Variants in PER3 observed in about 807,000 individuals in gnomAD.
PER3 encodes the protein period circadian protein homolog 3.
PER3 carries 107 observed loss-of-function variants against 127.2 expected under a neutral mutation model. The observed-to-expected ratio is 0.84, with a 90% CI of 0.72 to 0.99. PER3 has a LOEUF of 0.99. Ranked by LOEUF, PER3 falls within the 50% of genes least tolerant of loss-of-function variation. PER3 has a pLI of 0.00. For synonymous variants in PER3, 618 were observed against 585.8 expected, an observed-to-expected ratio of 1.05 and a Z score of -0.79; for missense variants, 1,560 against 1,525.8, an observed-to-expected ratio of 1.02 and a Z score of -0.37.
At chr1:7,806,034 T>C (rs1260119020) in intron 10 of PER3, among the ~76,000 whole-genome samples, 1 of 152,194 alleles carries the variant, frequency 6.6e-6, no homozygotes, top group African/African-American at 2.4e-5. Flanking sequence ...TGTAAGACAG[T>C]GTGCTGGGCC....
chr1:7,826,751 A>G lies in PER3; in HGVS notation c.2188+41A>G. The stretch of plus-strand genomic sequence containing the variant: ...AAAATAAATGCCATTAATCTATGTA[A>G]ATGTTACAAACTGTATCTAAGGACT... On this transcript the variant is annotated intron_variant, in intron 17 of 21. Coordinates refer to ENST00000377532, the MANE Select transcript of PER3 (RefSeq NM_001377275.1). This position sits in a 1 kb window ranked among gnomAD's most constrained non-coding sequence, Gnocchi z 4.2. The G allele has an allele frequency of 1.7e-6, 2 of 1,199,210 alleles. No individual in the cohort carries two copies. The highest frequency in any genetic ancestry group is 2.5e-6 in the Non-Finnish European group (2 of 811,326). 74.3% of individuals were successfully genotyped at this position (1,199,210 alleles called of 1,614,324 possible).
chr1:7,799,693 C>A (rs971267294), intron 7 of PER3, among the ~76,000 whole-genome samples: 2 of 151,250 alleles, frequency 1.3e-5, no homozygotes, highest in African/African-American at 2.4e-5. Flanking sequence ...AAATATGGCT[C>A]ATACCACAGG....
rs777333794 is a variant in PER3 at position 7,801,154 on chromosome 1, C to T, written c.835C>T (p.His279Tyr). ...PVNKRIFTTT[H>Y]TPGCVFLEVD... is the part of the protein sequence containing the mutation. Reference sequence around the variant, plus strand: ...GAATAAAAGAATCTTCACCACCACACACACCCCAGGGTGTGTTTTTCTTGA... The same window carrying T: ...GAATAAAAGAATCTTCACCACCACATACACCCCAGGGTGTGTTTTTCTTGA... Residue 279 changes from histidine to tyrosine, a missense_variant, in exon 8 of 22, where the codon CAC becomes TAC. Around this residue, in one of 3 missense-constraint regions of PER3, gnomAD observed 1,332 missense variants for 1,223.6 expected, o/e 1.09. Coordinates refer to ENST00000377532, the MANE Select transcript of PER3 (RefSeq NM_001377275.1). The T allele has an allele frequency of 2.5e-6, 4 of 1,608,734 alleles. No homozygotes were observed. Among genetic ancestry groups the T allele is most frequent in the East Asian group, 4.5e-5 (2 of 44,746 alleles).
At chr1:7,816,931 G>A (rs569944032) in intron 13 of PER3, among the ~76,000 whole-genome samples, 72 of 152,346 alleles carry the variant, frequency 4.7e-4, no homozygotes, top group African/African-American at 1.7e-3. Context: ...TTCAGCAGGA[G>A]AATGGATAAG....
intron 16 of PER3, among the ~76,000 whole-genome samples, chr1:7,825,421 A>C (rs1158077020): frequency 6.6e-6 from 1 of 152,228 alleles, no homozygotes; most frequent in African/African-American, 2.4e-5. Context: ...CTATGCATAT[A>C]AAATGGAACT....
At position 7,807,416 on chromosome 1, in the gene PER3, T is replaced by C. The variant is rs561021846; in HGVS notation, c.1137-1477T>C. On this transcript the variant is annotated intron_variant, in intron 10 of 21. Coordinates refer to ENST00000377532, the MANE Select transcript of PER3 (RefSeq NM_001377275.1). Reference sequence around the variant, plus strand: ...ATATTCCTGACTGCTTTTACGATACTGTCAGCATCCTATGATTGTCTTGAT... The same window carrying C: ...ATATTCCTGACTGCTTTTACGATACCGTCAGCATCCTATGATTGTCTTGAT... 1.1e-4 allele frequency among the ~76,000 whole-genome samples: 16 copies of C among 152,240 alleles called. 1 individual carries two copies. The highest frequency in any genetic ancestry group is 1.6e-4 in the Non-Finnish European group (11 of 68,042).
At chr1:7,801,081 C>CTTTAA in intron 7 of PER3, 32 bp from the exon 8 acceptor site, 1 of 1,333,632 alleles carries the variant, frequency 7.5e-7, no homozygotes, top group Middle Eastern at 1.9e-4. Context: ...AGATATTTGC[C>CTTTAA]TTTAAATGGG....
intron 19 of PER3, among the ~76,000 whole-genome samples, chr1:7,830,850 A>G (rs1411869769): frequency 6.6e-6 from 1 of 152,222 alleles, no homozygotes; most frequent in African/African-American, 2.4e-5. Flanking sequence ...GCTTTAGGCC[A>G]ATACCACACT....
intron 5 of PER3, among the ~76,000 whole-genome samples, chr1:7,789,182 C>T (rs1186345324): frequency 6.7e-6 from 1 of 148,354 alleles, no homozygotes; most frequent in Non-Finnish European, 1.5e-5. Context: ...GATTCCAAGC[C>T]CTTCTCTCTA....
chr1:7,795,008 T>C (rs528807749), intron 6 of PER3, among the ~76,000 whole-genome samples: 1 of 152,232 alleles, frequency 6.6e-6, no homozygotes, highest in East Asian at 1.9e-4. Flanking sequence ...TCAAGATGTT[T>C]AGAGAGAAGA....
chr1:7,794,143 G>C, intron 6 of PER3, 135 bp downstream of exon 6: 1 of 749,982 alleles, frequency 1.3e-6, no homozygotes, highest in Non-Finnish European at 2.4e-6. Flanking sequence ...ATTGCCACAA[G>C]GAGTTCGTAT....
rs762567598 is a variant in PER3 at position 7,819,278 on chromosome 1, G to A, written c.1523-7G>A. 1.1e-5 allele frequency: 17 copies of A among 1,611,992 alleles called. No individual in the cohort carries two copies. In the East Asian group the frequency reaches 2.7e-4, roughly 25 times the overall value. The stretch of plus-strand genomic sequence containing the variant: ...TTTTAATTGCACATCCCTTTATTCT[G>A]TTTCAGGTGAATGTAAGACCTTTAC... On this transcript the variant is annotated splice_region_variant and splice_polypyrimidine_tract_variant and intron_variant, in intron 13 of 21. Coordinates refer to ENST00000377532, the MANE Select transcript of PER3 (RefSeq NM_001377275.1).
Position 7,786,022 on chromosome 1 carries a change from C to T in PER3, c.274+436C>T, listed in dbSNP as rs533389742. On this transcript the variant is annotated intron_variant, in intron 3 of 21. Coordinates refer to ENST00000377532, the MANE Select transcript of PER3 (RefSeq NM_001377275.1). The stretch of plus-strand genomic sequence containing the variant: ...CTGTAATCCCAGCACTTTGGGAGGC[C>T]GAGGCGGGCAGATCACGAGGTCAGG... Among the ~76,000 whole-genome samples, 4 of 152,236 alleles carry T rather than the reference C, an allele frequency of 2.6e-5. No homozygotes were observed. In the East Asian group the frequency reaches 5.8e-4, roughly 22 times the overall value.
Position 7,843,961 on chromosome 1 carries a change from G to C in PER3, c.*1206G>C. The C allele has an allele frequency of 7.8e-7, 1 of 1,274,914 alleles. No individual in the cohort carries two copies. The highest frequency in any genetic ancestry group is 1.0e-6 in the Non-Finnish European group (1 of 976,430). The allele number at this position is 1,274,914 out of a possible 1,614,324, so 79.0% of individuals were successfully genotyped here. ...ATGAAATTCACACCCCTGCAGATCAGAAAAAACAAATAGAAGAAAATGAGG... is the reference window on the plus strand; with the variant it reads ...ATGAAATTCACACCCCTGCAGATCACAAAAAACAAATAGAAGAAAATGAGG... On this transcript the variant is annotated 3_prime_UTR_variant, in exon 22 of 22. Transcript: ENST00000377532.
chr1:7,790,289 C>A (rs998928707), intron 5 of PER3, among the ~76,000 whole-genome samples: 2 of 152,166 alleles, frequency 1.3e-5, no homozygotes, highest in African/African-American at 2.4e-5. Flanking sequence ...AGGAAACTTA[C>A]AATCATGGCA....
intron 6 of PER3, among the ~76,000 whole-genome samples, chr1:7,795,786 C>T (rs1029588311): frequency 6.6e-6 from 1 of 152,252 alleles, no homozygotes; most frequent in Admixed American, 6.5e-5. Flanking sequence ...TCAAACATAA[C>T]ACAAAAGAAG....
At chr1:7,812,128 C>T (rs2150889933) in intron 13 of PER3, among the ~76,000 whole-genome samples, 1 of 152,292 alleles carries the variant, frequency 6.6e-6, no homozygotes, top group East Asian at 1.9e-4. Context: ...CTCACAGCTG[C>T]CTGGGCCTAG....
intron 3 of PER3, among the ~76,000 whole-genome samples, chr1:7,785,810 T>C (rs2097086215): frequency 6.6e-6 from 1 of 152,250 alleles, no homozygotes; most frequent in South Asian, 2.1e-4. Context: ...ACCTATGCAA[T>C]GTTTTGCTCA....
At chr1:7,831,112 T>C (rs1401940930) in intron 19 of PER3, among the ~76,000 whole-genome samples, 2 of 152,212 alleles carry the variant, frequency 1.3e-5, no homozygotes, top group African/African-American at 2.4e-5. Context: ...GTACGATTTT[T>C]CTATGTAGGT....
Sources: gnomAD v4.1 joint callset for allele counts (sites outside exome capture counted in the v4.1 genomes callset) on GRCh38, gnomAD v4.1.1 for gene constraint, gnomAD v4.1.1 regional missense constraint, Gnocchi (gnomAD v3.1) non-coding constraint, MANE v1.5 for transcripts, NCBI Gene and HGNC (gene_info 2026-07-23, HGNC 2026-07-21) for gene names.